EPHB1: variants seen among roughly 807,000 people sequenced by gnomAD.
EPHB1 encodes the protein EPH receptor B1, also known as ephrin type-B receptor 1.
A neutral mutation model predicts 94.4 loss-of-function variants in EPHB1; 30 were observed. That is an observed-to-expected ratio of 0.32 (90% CI 0.24 to 0.43). The LOEUF (loss-of-function observed/expected upper bound fraction) is 0.43, where lower values mean the gene tolerates loss of function less well. Among genes scored for constraint, EPHB1 ranks in the 20% least tolerant of loss-of-function variants. The pLI is 1.00. For missense variants in EPHB1, 1,055 were observed against 1,308.3 expected, an observed-to-expected ratio of 0.81 and a Z score of 2.99; for synonymous variants, 522 against 489.1, an observed-to-expected ratio of 1.07 and a Z score of -0.89.
chr3:135,039,757 C>T (rs897032504), intron 3 of EPHB1, among the ~76,000 whole-genome samples: 1 of 152,228 alleles, frequency 6.6e-6, no homozygotes, highest in African/African-American at 2.4e-5. Context: ...CCACCCGGAA[C>T]TCAAGCTGGC....
chr3:135,242,844 G>A (rs1056621433), intron 13 of EPHB1, among the ~76,000 whole-genome samples: 1 of 152,100 alleles, frequency 6.6e-6, no homozygotes, highest in African/African-American at 2.4e-5. Context: ...TTGGAAGGTG[G>A]AGGCAGGTGG....
intron 4 of EPHB1, among the ~76,000 whole-genome samples, chr3:135,130,454 C>T (rs566110713): frequency 1.3e-5 from 2 of 152,242 alleles, no homozygotes; most frequent in African/African-American, 4.8e-5. Flanking sequence ...AGAGGAAAGA[C>T]AGTAAGTGTA....
intron 1 of EPHB1, among the ~76,000 whole-genome samples, chr3:134,812,760 C>T (rs979051212): frequency 6.6e-6 from 1 of 152,228 alleles, no homozygotes; most frequent in Non-Finnish European, 1.5e-5. Context: ...CACATCCTCA[C>T]CAGCAGTTGG....
At chr3:135,025,343 C>T (rs1936124186) in intron 3 of EPHB1, among the ~76,000 whole-genome samples, 1 of 100,904 alleles carries the variant, frequency 9.9e-6, no homozygotes, top group African/African-American at 3.4e-5. Context: ...GTATATCTCC[C>T]AATGCTATCC....
intron 7 of EPHB1, among the ~76,000 whole-genome samples, chr3:135,163,018 A>C (rs1941553391): frequency 6.6e-6 from 1 of 152,212 alleles, no homozygotes; most frequent in Non-Finnish European, 1.5e-5. Context: ...TCCAAATGTC[A>C]GTCTATTCCT....
intron 1 of EPHB1, among the ~76,000 whole-genome samples, chr3:134,869,217 G>A (rs2037445837): frequency 6.6e-6 from 1 of 152,210 alleles, no homozygotes; most frequent in Non-Finnish European, 1.5e-5. Flanking sequence ...AAAAAGCCAG[G>A]CAGGTGATAG....
chr3:134,968,110 G>C (rs143099275), intron 3 of EPHB1, among the ~76,000 whole-genome samples: 7 of 152,350 alleles, frequency 4.6e-5, no homozygotes, highest in Non-Finnish European at 7.3e-5. Context: ...TTGAGTTGTT[G>C]AATCCTGGCT....
Position 134,919,479 on chromosome 3 carries a change from G to A in EPHB1, c.59-6337G>A, listed in dbSNP as rs72971639. 4.4e-3 allele frequency among the ~76,000 whole-genome samples: 666 copies of A among 152,306 alleles called. 4 individuals are homozygous for A. The highest frequency in any genetic ancestry group is 0.014 in the African/African-American group (571 of 41,570). On this transcript the variant is annotated intron_variant, in intron 1 of 15. Coordinates refer to ENST00000398015, the MANE Select transcript of EPHB1 (RefSeq NM_004441.5). ...CAGGCAACCTGAGGCCAATTCAGACGGGTAGGGATGAGATTACAGGGAGAC... is the reference window on the plus strand; with the variant it reads ...CAGGCAACCTGAGGCCAATTCAGACAGGTAGGGATGAGATTACAGGGAGAC...
chr3:135,167,956 G>T (rs1314756004), intron 9 of EPHB1, among the ~76,000 whole-genome samples: 2 of 152,144 alleles, frequency 1.3e-5, no homozygotes, highest in Non-Finnish European at 2.9e-5. Context: ...CCACAGGGGG[G>T]TTCTTCTGGG....
intron 3 of EPHB1, among the ~76,000 whole-genome samples, chr3:134,976,232 C>T (rs1253353641): frequency 6.6e-6 from 1 of 152,204 alleles, no homozygotes; most frequent in African/African-American, 2.4e-5. Flanking sequence ...GGAGCAGGCA[C>T]AGATGTCATC....
chr3:134,897,952 A>G (rs1387656374), intron 1 of EPHB1, among the ~76,000 whole-genome samples: 1 of 152,174 alleles, frequency 6.6e-6, no homozygotes, highest in African/African-American at 2.4e-5. Context: ...TGTGGAGTGT[A>G]GCACCCCCCT....
intron 3 of EPHB1, among the ~76,000 whole-genome samples, chr3:134,965,877 G>A (rs1933722500): frequency 6.6e-6 from 1 of 152,168 alleles, no homozygotes; most frequent in Admixed American, 6.5e-5. Flanking sequence ...TCTTTGGGAG[G>A]CAGAAGTGCC....
chr3:134,987,507 C>T (rs1934641553), intron 3 of EPHB1, among the ~76,000 whole-genome samples: 1 of 152,186 alleles, frequency 6.6e-6, no homozygotes, highest in African/African-American at 2.4e-5. Context: ...CACCTGTAAT[C>T]CCAGCACTTT....
rs1423228677 is a variant in EPHB1 at position 134,881,609 on chromosome 3, T to A, written c.59-44207T>A. On this transcript the variant is annotated intron_variant, in intron 1 of 15. Coordinates refer to ENST00000398015, the MANE Select transcript of EPHB1 (RefSeq NM_004441.5). The stretch of plus-strand genomic sequence containing the variant: ...AAAGGGGTGCTATTCTGAAAGGATC[T>A]CTCTTTAAAACAGGCAAGACTTACA... Among the ~76,000 whole-genome samples the A allele has an allele frequency of 2.0e-5, 3 of 152,094 alleles. No individual in the cohort carries two copies. The East Asian group carries it at 5.8e-4, about 29-fold the overall frequency.
chr3:135,016,057 G>C (rs1318841919), intron 3 of EPHB1, among the ~76,000 whole-genome samples: 1 of 152,212 alleles, frequency 6.6e-6, no homozygotes, highest in Admixed American at 6.5e-5. Context: ...TTTCCTTCCT[G>C]ACAAGTGGAG....
Position 135,132,301 on chromosome 3 carries a change from A to G in EPHB1, c.962-413A>G, listed in dbSNP as rs1334878312. Among the ~76,000 whole-genome samples, 3 of 143,970 alleles carry G rather than the reference A, an allele frequency of 2.1e-5. No individual in the cohort carries two copies. The East Asian group carries it at 6.2e-4, about 30-fold the overall frequency. 94.4% of individuals were successfully genotyped at this position (143,970 alleles called of 152,430 possible). A position where few individuals can be genotyped will look rare whatever the true frequency, so the allele number is the denominator to read the frequency against. Reference sequence around the variant, plus strand: ...ATATGTTAGGGTTTTTGGAGGGGCCACTCATATCCTTCTACCCTTGAGTTC... The same window carrying G: ...ATATGTTAGGGTTTTTGGAGGGGCCGCTCATATCCTTCTACCCTTGAGTTC... On this transcript the variant is annotated intron_variant, in intron 4 of 15. Coordinates refer to ENST00000398015, the MANE Select transcript of EPHB1 (RefSeq NM_004441.5).
chr3:135,199,815 A>G (rs1942710965), intron 11 of EPHB1, among the ~76,000 whole-genome samples: 1 of 152,228 alleles, frequency 6.6e-6, no homozygotes, highest in Non-Finnish European at 1.5e-5. Context: ...TCCTAAGTAG[A>G]GTATTTTTAT....
At chr3:134,910,715 C>T (rs970537736) in intron 1 of EPHB1, among the ~76,000 whole-genome samples, 69 of 152,142 alleles carry the variant, frequency 4.5e-4, no homozygotes, top group Non-Finnish European at 5.0e-4. Context: ...CTGGAGGGGC[C>T]TTGGGCATCT....
chr3:134,920,203 C>T (rs1213059979), intron 1 of EPHB1, among the ~76,000 whole-genome samples: 1 of 152,122 alleles, frequency 6.6e-6, no homozygotes, highest in Non-Finnish European at 1.5e-5. Context: ...ATGGGAGTTA[C>T]TAAAAATTCT....
Sources: allele counts gnomAD v4.1 joint callset (sites outside exome capture counted in the v4.1 genomes callset), GRCh38; gene constraint gnomAD v4.1.1; transcripts MANE v1.5; gene names NCBI Gene and HGNC (gene_info 2026-07-23, HGNC 2026-07-21).